GMDS: variants seen among roughly 807,000 people sequenced by gnomAD.
GMDS encodes the protein GDP-mannose 4,6-dehydratase.
A neutral mutation model predicts 49.9 loss-of-function variants in GMDS; 20 were observed. The ratio of observed to expected loss-of-function variants is 0.40; its 90% CI spans 0.28 to 0.58. The LOEUF (loss-of-function observed/expected upper bound fraction) is 0.58, where lower values mean the gene tolerates loss of function less well. GMDS is among the 20% of genes least tolerant of loss of function. The pLI, the probability that GMDS is intolerant of heterozygous loss-of-function variation, is 0.42. For synonymous variants in GMDS, 177 were observed against 178.6 expected, an observed-to-expected ratio of 0.99 and a Z score of 0.07; for missense variants, 362 against 481.4, an observed-to-expected ratio of 0.75 and a Z score of 2.32.
At chr6:1,698,135 G>A (rs375610932) in intron 9 of GMDS, among the ~76,000 whole-genome samples, 28 of 152,196 alleles carry the variant, frequency 1.8e-4, no homozygotes, top group African/African-American at 2.9e-4. Context: ...CTCAGCTGGC[G>A]CTCTGGGGCC....
intron 7 of GMDS, among the ~76,000 whole-genome samples, chr6:1,888,520 C>T (rs776365124): frequency 2.6e-5 from 4 of 152,074 alleles, no homozygotes; most frequent in Admixed American, 6.5e-5. Context: ...CTCTCTTACA[C>T]GAGGGGATTA....
At chr6:1,892,856 C>T (rs1759939996) in intron 7 of GMDS, among the ~76,000 whole-genome samples, 1 of 152,248 alleles carries the variant, frequency 6.6e-6, no homozygotes, top group Admixed American at 6.5e-5. Context: ...TTCTGACTTG[C>T]AGCTGCAGTT....
intron 4 of GMDS, among the ~76,000 whole-genome samples, chr6:2,070,443 T>C (rs368200822): frequency 1.3e-5 from 2 of 152,014 alleles, no homozygotes; most frequent in African/African-American, 4.8e-5. Flanking sequence ...GAAAAACCAT[T>C]ATCAAAATAT....
At chr6:1,880,854 T>C (rs1202399431) in intron 7 of GMDS, among the ~76,000 whole-genome samples, 3 of 152,120 alleles carry the variant, frequency 2.0e-5, no homozygotes, top group African/African-American at 7.2e-5. Context: ...CATTATAATA[T>C]CTCCACCTGT....
intron 4 of GMDS, among the ~76,000 whole-genome samples, chr6:2,049,444 C>A (rs1770245370): frequency 6.6e-6 from 1 of 152,158 alleles, no homozygotes; most frequent in Non-Finnish European, 1.5e-5. Flanking sequence ...GTAGAATATT[C>A]TTTACACACA....
rs151097012 is a variant in GMDS, at chr6:1,655,831, C to T, written c.988-31291G>A. Among the ~76,000 whole-genome samples the T allele has an allele frequency of 3.9e-3, 599 of 152,198 alleles. 6 individuals are homozygous for T. Among genetic ancestry groups the T allele is most frequent in the African/African-American group, 0.013 (524 of 41,528 alleles). ...TCTTTAACATATTTTTATACAAAAC[C>T]GGAGACAAGAGCATGATGAGCCTGC... is the stretch of plus-strand genomic sequence containing the variant. On this transcript the variant is annotated intron_variant, in intron 9 of 10. Transcript: ENST00000380815.
chr6:2,136,507 A>G (rs1233461527), intron 1 of GMDS, among the ~76,000 whole-genome samples: 1 of 152,260 alleles, frequency 6.6e-6, no homozygotes, highest in Non-Finnish European at 1.5e-5. Flanking sequence ...GTATGGCTTG[A>G]GGCCAAGAGC....
rs1581846006 is a variant in GMDS at position 2,239,145 on chromosome 6, A to G, written c.102+6176T>C. Among the ~76,000 whole-genome samples, 3 of 152,328 alleles carry G rather than the reference A, an allele frequency of 2.0e-5. No homozygotes were observed. In the East Asian group the frequency reaches 5.8e-4, roughly 29 times the overall value. On this transcript the variant is annotated intron_variant, in intron 1 of 10. Transcript: ENST00000380815. ...AGAGTTCAAGACCAGCCTGGCCAAC[A>G]TGGCAAAACCCCAACTCTACTAAAA...
chr6:2,242,566 T>C (rs760650086), intron 1 of GMDS, among the ~76,000 whole-genome samples: 5 of 152,256 alleles, frequency 3.3e-5, no homozygotes, highest in Admixed American at 6.5e-5. Flanking sequence ...AATGCCATGA[T>C]AGCCCCAAGT....
At chr6:1,852,944 G>A (rs961275369) in intron 7 of GMDS, among the ~76,000 whole-genome samples, 8 of 151,910 alleles carry the variant, frequency 5.3e-5, no homozygotes, top group African/African-American at 1.9e-4. Flanking sequence ...GACCTCAGGT[G>A]ATCCGCCTCA....
rs145655607 is a variant in GMDS at position 1,750,596 on chromosome 6, G to A, written c.772-8010C>T. Among the ~76,000 whole-genome samples the A allele has an allele frequency of 4.2e-3, 645 of 152,280 alleles. 2 individuals carry two copies. Among genetic ancestry groups the A allele is most frequent in the African/African-American group, 0.014 (595 of 41,562 alleles). ...ATGGTCTTTGCAACCCACAGACCAG[G>A]AGATTCCTTCGGGTGCCTATACCAC... On this transcript the variant is annotated intron_variant, in intron 7 of 10. Transcript: ENST00000380815.
chr6:1,915,873 C>G (rs1761360430), intron 7 of GMDS, among the ~76,000 whole-genome samples: 1 of 152,172 alleles, frequency 6.6e-6, no homozygotes, highest in South Asian at 2.1e-4. Flanking sequence ...AAAATAAAGA[C>G]TAACTGGATA....
At chr6:1,785,472 TG>T (rs1769278656) in intron 7 of GMDS, among the ~76,000 whole-genome samples, 1 of 152,198 alleles carries the variant, frequency 6.6e-6, no homozygotes, top group Admixed American at 6.5e-5. Context: ...AGCTGGCAGC[TG>T]TACTTGTTGG....
chr6:1,658,941 GTAGATA>G (rs2113241069), intron 9 of GMDS, among the ~76,000 whole-genome samples: 1 of 152,330 alleles, frequency 6.6e-6, no homozygotes, highest in East Asian at 1.9e-4. Context: ...ACTACTTGGG[GTAGATA>G]TATGTAGAAG....
chr6:1,717,895 T>C (rs766280684), intron 9 of GMDS, among the ~76,000 whole-genome samples: 4 of 152,188 alleles, frequency 2.6e-5, no homozygotes, highest in Non-Finnish European at 4.4e-5. Context: ...GATTTGAAAT[T>C]GGGTCTCTGC....
At chr6:2,120,122 CACTT>C (rs1158994099) in intron 2 of GMDS, among the ~76,000 whole-genome samples, 3 of 152,204 alleles carry the variant, frequency 2.0e-5, no homozygotes, top group African/African-American at 7.2e-5. Flanking sequence ...CAATAGCTAA[CACTT>C]ACACAGCAAT....
chr6:1,713,406 G>A (rs1291782987), intron 9 of GMDS, among the ~76,000 whole-genome samples: 1 of 152,236 alleles, frequency 6.6e-6, no homozygotes. Flanking sequence ...ACCGGCCCAC[G>A]CCGGGATCCA....
chr6:1,733,400 G>C (rs1766890391), intron 8 of GMDS, among the ~76,000 whole-genome samples: 1 of 152,190 alleles, frequency 6.6e-6, no homozygotes, highest in Non-Finnish European at 1.5e-5. Context: ...GATGGGGTGA[G>C]GCTGTGTGTG....
At chr6:1,728,616 A>G (rs1383556617) in intron 8 of GMDS, among the ~76,000 whole-genome samples, 1 of 152,188 alleles carries the variant, frequency 6.6e-6, no homozygotes, top group East Asian at 1.9e-4. Flanking sequence ...ACACACAAAC[A>G]CACACACATA....
Sources: gnomAD v4.1 joint callset for allele counts (sites outside exome capture counted in the v4.1 genomes callset) on GRCh38, gnomAD v4.1.1 for gene constraint, MANE v1.5 for transcripts, NCBI Gene and HGNC (gene_info 2026-07-23, HGNC 2026-07-21) for gene names.